QKI: variants seen among roughly 807,000 people sequenced by gnomAD.
QKI encodes the protein KH domain-containing RNA-binding protein QKI.
Under a neutral mutation model 39.0 loss-of-function variants are expected in QKI, and 10 were observed. That is an observed-to-expected ratio of 0.26 (90% CI 0.16 to 0.43). The LOEUF is 0.43. QKI is among the 20% of genes least tolerant of loss of function. QKI has a pLI of 1.00. For synonymous variants in QKI, 204 were observed against 155.4 expected (o/e 1.31, Z -2.33); for missense variants, 218 against 428.0 (o/e 0.51, Z 4.33).
chr6:163,415,945 T>A (rs1374565513), intron 1 of QKI: 1 of 508,386 alleles, frequency 2.0e-6, no homozygotes, highest in Admixed American at 2.0e-5. Flanking sequence ...AGACCGAAAT[T>A]ATGCTGGCGT....
At chr6:163,513,387 A>G (rs745834064) in intron 3 of QKI, among the ~76,000 whole-genome samples, 9 of 152,178 alleles carry the variant, frequency 5.9e-5, no homozygotes, top group African/African-American at 1.2e-4. Flanking sequence ...AAAATACACA[A>G]AACAAAAAAG....
At chr6:163,547,344 T>G (rs1447001735) in intron 4 of QKI, among the ~76,000 whole-genome samples, 1 of 152,194 alleles carries the variant, frequency 6.6e-6, no homozygotes, top group East Asian at 1.9e-4. Context: ...AATTACTGTG[T>G]TCTTAATTGC....
At chr6:163,508,100 C>T (rs1220817660) in intron 3 of QKI, among the ~76,000 whole-genome samples, 1 of 151,792 alleles carries the variant, frequency 6.6e-6, no homozygotes, top group African/African-American at 2.4e-5. Flanking sequence ...AGAAATGTTC[C>T]ATTGTAAAGA....
intron 1 of QKI, among the ~76,000 whole-genome samples, chr6:163,448,339 T>G (rs1326056781): frequency 6.6e-6 from 1 of 152,066 alleles, no homozygotes; most frequent in East Asian, 1.9e-4. Flanking sequence ...GCTTGGGTTT[T>G]TTTTTTTTTT....
chr6:163,499,375 A>G (rs1012818805), intron 3 of QKI, among the ~76,000 whole-genome samples: 3 of 152,214 alleles, frequency 2.0e-5, no homozygotes, highest in African/African-American at 7.2e-5. Flanking sequence ...TTGACGATAA[A>G]GAGATGAAGA....
chr6:163,445,674 G>A (rs1489627466), intron 1 of QKI, among the ~76,000 whole-genome samples: 1 of 151,328 alleles, frequency 6.6e-6, no homozygotes, highest in East Asian at 1.9e-4. Context: ...GAGTGCAGGG[G>A]CACCATCTCG....
At chr6:163,441,948 T>C (rs951500538) in intron 1 of QKI, among the ~76,000 whole-genome samples, 4 of 152,226 alleles carry the variant, frequency 2.6e-5, no homozygotes, top group Non-Finnish European at 5.9e-5. Flanking sequence ...TGGGCTTTTA[T>C]ACCAACTGAG....
intron 2 of QKI, among the ~76,000 whole-genome samples, chr6:163,472,422 G>T (rs1303137033): frequency 2.0e-5 from 3 of 152,048 alleles, no homozygotes; most frequent in Non-Finnish European, 2.9e-5. Flanking sequence ...GGTGGGAGGG[G>T]TGTCATACTT....
At chr6:163,425,730 C>T (rs547042342) in intron 1 of QKI, among the ~76,000 whole-genome samples, 1 of 152,180 alleles carries the variant, frequency 6.6e-6, no homozygotes, top group East Asian at 1.9e-4. Context: ...GTGTATTCAT[C>T]CTGAAGGATT....
In QKI at chr6:163,573,378, G is replaced by A. The variant is rs1319267877; in HGVS notation, c.*2668G>A. 6.6e-6 allele frequency: 1 copy of A among 151,992 alleles called. No homozygotes were observed. Among genetic ancestry groups the A allele is most frequent in the African/African-American group, 2.4e-5 (1 of 41,390 alleles). The allele number at this position is 151,992 out of a possible 1,614,324, so 9.4% of individuals were successfully genotyped here. A position where few individuals can be genotyped will look rare whatever the true frequency, so the allele number is the denominator to read the frequency against. On this transcript the variant is annotated 3_prime_UTR_variant, in exon 8 of 8. Coordinates refer to ENST00000361752, the MANE Select transcript of QKI (RefSeq NM_006775.3). ...TATCGTACAGCTGACATGTATTTTT[G>A]TCTATTCTTTATTATCTTAGTTTCA...
intron 4 of QKI, among the ~76,000 whole-genome samples, chr6:163,551,139 A>G (rs913187944): frequency 2.6e-5 from 4 of 152,228 alleles, no homozygotes; most frequent in Admixed American, 6.5e-5. Context: ...ACACAAAATC[A>G]GTTTCTCCTA....
chr6:163,552,331 C>G (rs547358033), intron 4 of QKI, among the ~76,000 whole-genome samples: 2 of 150,778 alleles, frequency 1.3e-5, no homozygotes, highest in South Asian at 2.1e-4. Context: ...GCCTCAGCCT[C>G]CCAAGTAGCT....
Position 163,426,545 on chromosome 6 carries a change from G to GAAGGTGCCCCATCGACCA in QKI, c.142+11221_142+11238dup, listed in dbSNP as rs539741844. 6.6e-4 allele frequency among the ~76,000 whole-genome samples: 100 copies of GAAGGTGCCCCATCGACCA among 152,226 alleles called. 2 individuals are homozygous for GAAGGTGCCCCATCGACCA. In the South Asian group the frequency reaches 0.012, roughly 18 times the overall value. ...TGTTTTGTTTCCCCACTTGGAACCAGAAGGTGCCCCATCGACCAAAGGTGC... is the reference window on the plus strand; with the variant it reads ...TGTTTTGTTTCCCCACTTGGAACCAGAAGGTGCCCCATCGACCAAAGGTGCCCCATCGACCAAAGGTGC... On this transcript the variant is annotated intron_variant, in intron 1 of 7. Coordinates refer to ENST00000361752, the MANE Select transcript of QKI (RefSeq NM_006775.3).
At chr6:163,452,973 C>T (rs537718480) in intron 1 of QKI, among the ~76,000 whole-genome samples, 1 of 152,306 alleles carries the variant, frequency 6.6e-6, no homozygotes, top group East Asian at 1.9e-4. Flanking sequence ...AGTGGTCTGC[C>T]TGCCTTGGCC....
At chr6:163,460,580 C>T (rs1434648569) in intron 2 of QKI, among the ~76,000 whole-genome samples, 1 of 152,098 alleles carries the variant, frequency 6.6e-6, no homozygotes, top group Non-Finnish European at 1.5e-5. Context: ...TGTTGTTTGT[C>T]AGCAGTCTTG....
intron 3 of QKI, among the ~76,000 whole-genome samples, chr6:163,497,407 T>G (rs1378066745): frequency 6.6e-6 from 1 of 152,132 alleles, no homozygotes; most frequent in Non-Finnish European, 1.5e-5. Flanking sequence ...ATTGTATAGT[T>G]TACTTTTTTC....
chr6:163,484,800 A>G (rs1335955341), intron 3 of QKI, among the ~76,000 whole-genome samples: 2 of 152,220 alleles, frequency 1.3e-5, no homozygotes, highest in Non-Finnish European at 2.9e-5. Context: ...ACAGGTCACT[A>G]TGGCAGACAT....
chr6:163,563,493 C>T lies in QKI; in HGVS notation c.708C>T (p.Leu236=). ...PRIITGPAPV[L]PPAALRTPTP... ...TCATTACTGGGCCTGCGCCGGTTCTCCCACCAGCTGCCCTGCGTACTCCTA... is the reference window on the plus strand; with the variant it reads ...TCATTACTGGGCCTGCGCCGGTTCTTCCACCAGCTGCCCTGCGTACTCCTA... Residue 236 remains leucine, a synonymous_variant, in exon 6 of 8, where the codon CTC becomes CTT. Coordinates refer to ENST00000361752, the MANE Select transcript of QKI (RefSeq NM_006775.3). The T allele has an allele frequency of 6.2e-7, 1 of 1,614,150 alleles. No homozygotes were observed.
intron 1 of QKI, among the ~76,000 whole-genome samples, chr6:163,443,458 C>G (rs1281967938): frequency 6.6e-6 from 1 of 152,158 alleles, no homozygotes; most frequent in Admixed American, 6.5e-5. Flanking sequence ...TTCCCAGCTA[C>G]TTGGGAGACT....
Sources: gnomAD v4.1 joint callset for allele counts (sites outside exome capture counted in the v4.1 genomes callset) on GRCh38, gnomAD v4.1.1 for gene constraint, MANE v1.5 for transcripts, NCBI Gene and HGNC (gene_info 2026-07-23, HGNC 2026-07-21) for gene names.